PTPRD: variants seen among roughly 807,000 people sequenced by gnomAD.
The protein encoded by PTPRD is receptor-type tyrosine-protein phosphatase delta.
PTPRD carries 34 observed loss-of-function variants against 214.5 expected under a neutral mutation model. That is an observed-to-expected ratio of 0.16 (90% CI 0.12 to 0.21). PTPRD has a LOEUF of 0.21. Ranked by LOEUF, PTPRD falls within the 10% of genes least tolerant of loss-of-function variation. The probability of loss-of-function intolerance (pLI) is 1.00; values close to 1 mark genes in which losing one functional copy is unlikely to be tolerated. For synonymous variants in PTPRD, 1,128 were observed against 845.7 expected, an observed-to-expected ratio of 1.33 and a Z score of -5.79; for missense variants, 2,545 against 2,398.7, an observed-to-expected ratio of 1.06 and a Z score of -1.27.
At chr9:8,477,955 G>A (rs1037220283) in intron 30 of PTPRD, among the ~76,000 whole-genome samples, 3 of 152,208 alleles carry the variant, frequency 2.0e-5, no homozygotes, top group African/African-American at 7.2e-5. Flanking sequence ...GTCACTGTAT[G>A]TTGTGTGTTC....
intron 3 of PTPRD, among the ~76,000 whole-genome samples, chr9:10,333,339 G>C (rs2096786172): frequency 6.6e-6 from 1 of 151,762 alleles, no homozygotes; most frequent in Admixed American, 6.6e-5. Context: ...TTCAGCACTA[G>C]ACACTGGAAA....
In PTPRD at chr9:8,723,907, T is replaced by C. The variant is rs141679985; in HGVS notation, c.64+9873A>G. 2.6e-3 allele frequency among the ~76,000 whole-genome samples: 394 copies of C among 152,326 alleles called. 3 individuals are homozygous for C. Among genetic ancestry groups the C allele is most frequent in the African/African-American group, 9.1e-3 (378 of 41,574 alleles). On this transcript the variant is annotated intron_variant, in intron 12 of 45. Coordinates refer to ENST00000381196, the MANE Select transcript of PTPRD (RefSeq NM_002839.4). ...ACTGACGATTTAAGTACTTAGTGTA[T>C]CTTAAAGCCACATTTAATAACTGTA...
intron 30 of PTPRD, among the ~76,000 whole-genome samples, chr9:8,479,951 G>C (rs965171398): frequency 6.6e-6 from 1 of 151,904 alleles, no homozygotes; most frequent in Non-Finnish European, 1.5e-5. Context: ...ATCTCCTTCA[G>C]GAGGCCTCCC....
At chr9:8,964,192 G>GT (rs71317391) in intron 11 of PTPRD, among the ~76,000 whole-genome samples, 1,107 of 35,658 alleles carry the variant, frequency 0.031, 72 homozygotes, top group African/African-American at 0.1. Context: ...TCAGGGCTGT[G>GT]TTTTTTTTTT....
chr9:9,549,428 C>G (rs1414950149), intron 8 of PTPRD, among the ~76,000 whole-genome samples: 2 of 151,966 alleles, frequency 1.3e-5, no homozygotes, highest in African/African-American at 2.4e-5. Context: ...GAAAAGTGTT[C>G]AACAGCATTA....
rs142748913 is a variant in PTPRD at position 9,482,018 on chromosome 9, T to C, written c.-236-84536A>G. Among the ~76,000 whole-genome samples, 21 of 152,260 alleles carry C rather than the reference T, an allele frequency of 1.4e-4. No individual in the cohort carries two copies. The East Asian group carries it at 4.1e-3, about 29-fold the overall frequency. ...GAGAACTCTCCCAGTCAACATGTTCTTAACAGTCTCTGGGGAGCTACTCTG... is the reference window on the plus strand; with the variant it reads ...GAGAACTCTCCCAGTCAACATGTTCCTAACAGTCTCTGGGGAGCTACTCTG... On this transcript the variant is annotated intron_variant, in intron 8 of 45. Coordinates refer to ENST00000381196, the MANE Select transcript of PTPRD (RefSeq NM_002839.4).
intron 12 of PTPRD, among the ~76,000 whole-genome samples, chr9:8,688,623 T>C (rs774624480): frequency 2.7e-5 from 4 of 150,440 alleles, no homozygotes; most frequent in South Asian, 4.2e-4. Context: ...CAATAAGTTA[T>C]AAAAAAAGAA....
chr9:10,092,490 T>C (rs924979294), intron 3 of PTPRD, among the ~76,000 whole-genome samples: 2 of 151,430 alleles, frequency 1.3e-5, no homozygotes, highest in Admixed American at 6.6e-5. Flanking sequence ...CAAAATTACC[T>C]GTAATCATTA....
chr9:10,565,389 C>A (rs1343840339), intron 2 of PTPRD, among the ~76,000 whole-genome samples: 1 of 151,882 alleles, frequency 6.6e-6, no homozygotes, highest in Non-Finnish European at 1.5e-5. Flanking sequence ...TATAATTGAA[C>A]AATTATTTTT....
chr9:8,469,192 T>C lies in PTPRD; in HGVS notation c.3504+1803A>G, dbSNP rs573481083. Among the ~76,000 whole-genome samples, 5 of 152,160 alleles carry C rather than the reference T, an allele frequency of 3.3e-5. No individual in the cohort carries two copies. In the South Asian group the frequency reaches 6.2e-4, roughly 19 times the overall value. ...AGCAGCGGAGACCCACAGAATTTAA[T>C]TGCAAGAAAGTTCAAAGTCATATAG... is the stretch of plus-strand genomic sequence containing the variant. On this transcript the variant is annotated intron_variant, in intron 31 of 45. Transcript: ENST00000381196.
At chr9:8,787,270 T>A (rs375376605) in intron 11 of PTPRD, among the ~76,000 whole-genome samples, 14 of 152,332 alleles carry the variant, frequency 9.2e-5, no homozygotes, top group East Asian at 5.8e-4. Flanking sequence ...AACACACAAC[T>A]TCTAGCTTTA....
chr9:10,608,187 T>C (rs750023213), intron 2 of PTPRD, among the ~76,000 whole-genome samples: 1 of 152,038 alleles, frequency 6.6e-6, no homozygotes, highest in Admixed American at 6.6e-5. Context: ...CAAAATAGCA[T>C]ACATAGAGAT....
chr9:10,532,748 T>G (rs1294873307), intron 2 of PTPRD, among the ~76,000 whole-genome samples: 2 of 151,602 alleles, frequency 1.3e-5, no homozygotes, highest in South Asian at 2.1e-4. Flanking sequence ...TAAATAAAAG[T>G]TTTCTTTTTT....
intron 9 of PTPRD, among the ~76,000 whole-genome samples, chr9:9,334,524 G>A (rs1376704328): frequency 6.6e-6 from 1 of 151,924 alleles, no homozygotes; most frequent in Non-Finnish European, 1.5e-5. Flanking sequence ...ATGGTCTGGT[G>A]GGAAGATCAG....
chr9:8,330,284 C>G (rs1317429248), intron 44 of PTPRD, among the ~76,000 whole-genome samples: 1 of 152,148 alleles, frequency 6.6e-6, no homozygotes, highest in African/African-American at 2.4e-5. Context: ...TCACTGGGAA[C>G]AGCAGACCAG....
At chr9:8,711,453 TAA>T (rs1453154728) in intron 12 of PTPRD, among the ~76,000 whole-genome samples, 3 of 152,152 alleles carry the variant, frequency 2.0e-5, no homozygotes, top group Non-Finnish European at 4.4e-5. Context: ...GAAATGAAAT[TAA>T]GTCCTTAAGA....
intron 14 of PTPRD, among the ~76,000 whole-genome samples, chr9:8,536,418 CAT>C (rs1278664875): frequency 2.0e-5 from 3 of 151,502 alleles, no homozygotes; most frequent in East Asian, 3.9e-4. Context: ...TACACACACA[CAT>C]ATACACACAC....
At chr9:9,555,392 T>C (rs891596496) in intron 8 of PTPRD, among the ~76,000 whole-genome samples, 4 of 152,110 alleles carry the variant, frequency 2.6e-5, no homozygotes, top group Admixed American at 1.3e-4. Context: ...GGGAGAAAGC[T>C]GGTGTTTATA....
chr9:9,912,267 A>T (rs2079408312), intron 5 of PTPRD, among the ~76,000 whole-genome samples: 1 of 152,172 alleles, frequency 6.6e-6, no homozygotes, highest in South Asian at 2.1e-4. Context: ...CTTCAGTTGA[A>T]AAAACAAAGG....
Sources: gnomAD v4.1 joint callset for allele counts (sites outside exome capture counted in the v4.1 genomes callset) on GRCh38, gnomAD v4.1.1 for gene constraint, MANE v1.5 for transcripts, NCBI Gene and HGNC (gene_info 2026-07-23, HGNC 2026-07-21) for gene names.